The following IL1RAPL1 variants were observed in gnomAD, a reference collection of about 807,000 sequenced individuals.
IL1RAPL1 encodes interleukin-1 receptor accessory protein-like 1.
A neutral mutation model predicts 48.4 loss-of-function variants in IL1RAPL1; 3 were observed. The observed-to-expected ratio is 0.06, with a 90% CI of 0.03 to 0.16. The LOEUF is 0.16. IL1RAPL1 is among the 10% of genes least tolerant of loss of function. IL1RAPL1 has a pLI of 1.00. For synonymous variants in IL1RAPL1, 185 were observed against 187.7 expected, an observed-to-expected ratio of 0.99 and a Z score of 0.12; for missense variants, 349 against 530.6, an observed-to-expected ratio of 0.66 and a Z score of 3.36.
chrX:28,671,370 CTGAG>C (rs1569149252), intron 1 of IL1RAPL1, among the ~76,000 whole-genome samples: 1 of 111,671 alleles, frequency 9.0e-6, no homozygotes, highest in Non-Finnish European at 1.9e-5. Flanking sequence ...CGAAGATTGA[CTGAG>C]TTAGTAGTCC....
chrX:29,223,290 T>G (rs1295552295), intron 2 of IL1RAPL1, among the ~76,000 whole-genome samples: 1 of 111,925 alleles, frequency 8.9e-6, no homozygotes, highest in East Asian at 2.8e-4. Flanking sequence ...TGTGTGTCTA[T>G]TTTCATTTAT....
At chrX:28,919,346 G>A (rs1026311903) in intron 2 of IL1RAPL1, among the ~76,000 whole-genome samples, 3 of 112,018 alleles carry the variant, frequency 2.7e-5, no homozygotes, top group African/African-American at 9.7e-5. Flanking sequence ...GTTTATTAAC[G>A]TGCAATTAAA....
intron 5 of IL1RAPL1, among the ~76,000 whole-genome samples, chrX:29,401,779 C>T (rs774222336): frequency 5.4e-5 from 6 of 110,778 alleles, no homozygotes; most frequent in Admixed American, 9.7e-5. Context: ...TATGGGTGAT[C>T]GATCCTTCCC....
intron 2 of IL1RAPL1, among the ~76,000 whole-genome samples, chrX:29,052,066 C>A (rs1391322121): frequency 1.8e-5 from 2 of 112,036 alleles, no homozygotes; most frequent in Non-Finnish European, 3.8e-5. Context: ...AAAGGTATGT[C>A]CCAATTTAAA....
chrX:28,752,820 A>T (rs1194147561), intron 1 of IL1RAPL1, among the ~76,000 whole-genome samples: 2 of 81,703 alleles, frequency 2.4e-5, no homozygotes, highest in Admixed American at 1.4e-4. Flanking sequence ...GTTCATTTTC[A>T]TTCCAATTTC....
chrX:29,425,717 C>T (rs1010479304), intron 5 of IL1RAPL1, among the ~76,000 whole-genome samples: 1 of 110,656 alleles, frequency 9.0e-6, no homozygotes. Context: ...GTAGCTGGGA[C>T]TACAGTTGCA....
intron 6 of IL1RAPL1, among the ~76,000 whole-genome samples, chrX:29,873,141 C>G (rs976083981): frequency 2.7e-5 from 3 of 111,369 alleles, no homozygotes; most frequent in Admixed American, 9.6e-5. Flanking sequence ...AGGTCTCCCA[C>G]TCCATGTCAT....
In IL1RAPL1 at chrX:29,403,681, T is replaced by C. The variant is rs902301897; in HGVS notation, c.703+4373T>C. Among the ~76,000 whole-genome samples the C allele has an allele frequency of 3.6e-5, 4 of 112,102 alleles. No individual in the cohort carries two copies. The Admixed American group carries it at 3.8e-4, about 11-fold the overall frequency. On this transcript the variant is annotated intron_variant, in intron 5 of 10. Transcript: ENST00000378993. ...TATTAAGTTAAACATGAGTTCATAC[T>C]GATGTTTCCAACTCTAATTTATTAC...
At chrX:29,532,735 T>G (rs1921085065) in intron 5 of IL1RAPL1, among the ~76,000 whole-genome samples, 1 of 112,299 alleles carries the variant, frequency 8.9e-6, no homozygotes, top group South Asian at 3.7e-4. Context: ...TTTCTTGAAT[T>G]TTCAAGAGGC....
chrX:29,190,098 T>C (rs1233790201), intron 2 of IL1RAPL1, among the ~76,000 whole-genome samples: 1 of 111,913 alleles, frequency 8.9e-6, no homozygotes, highest in Non-Finnish European at 1.9e-5. Flanking sequence ...TAATACTTAC[T>C]ACCTTACAGT....
intron 5 of IL1RAPL1, among the ~76,000 whole-genome samples, chrX:29,447,215 C>T (rs1490216056): frequency 9.0e-6 from 1 of 110,923 alleles, no homozygotes; most frequent in Non-Finnish European, 1.9e-5. Flanking sequence ...TTGCTCCCCC[C>T]AAAAGACATG....
chrX:28,859,870 T>C (rs953588705), intron 2 of IL1RAPL1, among the ~76,000 whole-genome samples: 2 of 110,512 alleles, frequency 1.8e-5, no homozygotes, highest in Non-Finnish European at 3.8e-5. Context: ...TTAAAAGATA[T>C]ATTTCAAAAT....
intron 6 of IL1RAPL1, among the ~76,000 whole-genome samples, chrX:29,802,076 T>C (rs1308872922): frequency 8.9e-6 from 1 of 112,271 alleles, no homozygotes; most frequent in African/African-American, 3.2e-5. Flanking sequence ...GGTCTACGTG[T>C]TCATGTGTAT....
chrX:28,882,374 G>A (rs1922523362), intron 2 of IL1RAPL1, among the ~76,000 whole-genome samples: 1 of 111,858 alleles, frequency 8.9e-6, no homozygotes, highest in African/African-American at 3.2e-5. Context: ...GCCGGGCATG[G>A]TGGCTCACGC....
intron 6 of IL1RAPL1, among the ~76,000 whole-genome samples, chrX:29,789,958 G>A (rs1013848079): frequency 2.7e-5 from 3 of 110,195 alleles, no homozygotes; most frequent in African/African-American, 9.9e-5. Context: ...AAGAAAGATC[G>A]TTAGTCACTT....
chrX:29,925,405 C>T (rs767677301), intron 8 of IL1RAPL1, among the ~76,000 whole-genome samples: 60 of 39,821 alleles, frequency 1.5e-3, no homozygotes, highest in African/African-American at 5.1e-3. Context: ...TCTTCTGTCC[C>T]GTAACTGTTT....
intron 1 of IL1RAPL1, among the ~76,000 whole-genome samples, chrX:28,630,833 A>T (rs1166685677): frequency 8.9e-6 from 1 of 112,000 alleles, no homozygotes; most frequent in Non-Finnish European, 1.9e-5. Flanking sequence ...CTATGAATTA[A>T]TTCATTCAGA....
intron 2 of IL1RAPL1, among the ~76,000 whole-genome samples, chrX:29,240,383 C>T (rs1250861175): frequency 2.9e-5 from 3 of 105,156 alleles, no homozygotes; most frequent in Admixed American, 2.1e-4. Flanking sequence ...TATAGGCGCA[C>T]GCCACCTCAC....
intron 5 of IL1RAPL1, among the ~76,000 whole-genome samples, chrX:29,665,995 G>A (rs1359398102): frequency 9.0e-6 from 1 of 111,238 alleles, no homozygotes; most frequent in Non-Finnish European, 1.9e-5. Flanking sequence ...AAGGATTCTA[G>A]TTTGAATTTG....
Sources: gnomAD v4.1 joint callset for allele counts (sites outside exome capture counted in the v4.1 genomes callset) on GRCh38, gnomAD v4.1.1 for gene constraint, MANE v1.5 for transcripts, NCBI Gene and HGNC (gene_info 2026-07-23, HGNC 2026-07-21) for gene names.